IFTAP: variants seen among roughly 807,000 people sequenced by gnomAD.
IFTAP encodes the protein intraflagellar transport-associated protein.
In IFTAP, 19 loss-of-function variants were observed where a neutral mutation model predicts 19.4. That is an observed-to-expected ratio of 0.98 (90% CI 0.68 to 1.44). The LOEUF (loss-of-function observed/expected upper bound fraction) is 1.44. Among genes scored for constraint, IFTAP ranks in the 40% most tolerant of loss-of-function variants. The pLI is 0.00. For missense variants in IFTAP, 240 were observed against 253.6 expected (o/e 0.95, Z 0.36); for synonymous variants, 85 against 83.5 (o/e 1.02, Z -0.10).
chr11:36,605,337 T>C (rs1224478871), intron 1 of IFTAP, among the ~76,000 whole-genome samples: 1 of 137,542 alleles, frequency 7.3e-6, no homozygotes, highest in Non-Finnish European at 1.5e-5. Context: ...AAAAGTACAC[T>C]GTGCACTTTC....
rs559224789 is a variant in IFTAP, at chr11:36,627,631, G to T, written c.137-5653G>T. 3.2e-3 allele frequency among the ~76,000 whole-genome samples: 481 copies of T among 151,430 alleles called. 35 individuals are homozygous for T. The highest frequency in any genetic ancestry group is 0.012 in the African/African-American group (472 of 40,722). On this transcript the variant is annotated intron_variant, in intron 2 of 5. Coordinates refer to ENST00000334307, the MANE Select transcript of IFTAP (RefSeq NM_138787.4). Reference sequence around the variant, plus strand: ...TATTGTCACCAGCAGCTGTTGCTCTGTTAGGAATTCTGGAGCCGTAGGAGG... The same window carrying T: ...TATTGTCACCAGCAGCTGTTGCTCTTTTAGGAATTCTGGAGCCGTAGGAGG...
intron 2 of IFTAP, among the ~76,000 whole-genome samples, chr11:36,624,462 G>C (rs1444783161): frequency 6.6e-6 from 1 of 152,148 alleles, no homozygotes; most frequent in Non-Finnish European, 1.5e-5. Context: ...GCTGGAAATT[G>C]GGAATCATTA....
intron 1 of IFTAP, among the ~76,000 whole-genome samples, chr11:36,599,916 G>GA (rs1396330974): frequency 2.0e-5 from 3 of 152,144 alleles, no homozygotes; most frequent in Non-Finnish European, 4.4e-5. Flanking sequence ...TACAAAATAA[G>GA]AAATGCAAAA....
At chr11:36,640,551 C>T (rs1853156155) in intron 4 of IFTAP, among the ~76,000 whole-genome samples, 1 of 152,100 alleles carries the variant, frequency 6.6e-6, no homozygotes, top group Non-Finnish European at 1.5e-5. Flanking sequence ...CATGAATCAC[C>T]ATTTTTATTG....
In IFTAP at chr11:36,619,053, A is replaced by C. The variant is rs547545354; in HGVS notation, c.136+8814A>C. Among the ~76,000 whole-genome samples the C allele has an allele frequency of 4.7e-4, 72 of 152,116 alleles. 1 individual carries two copies. Among genetic ancestry groups the C allele is most frequent in the African/African-American group, 1.5e-3 (64 of 41,532 alleles). On this transcript the variant is annotated intron_variant, in intron 2 of 5. Coordinates refer to ENST00000334307, the MANE Select transcript of IFTAP (RefSeq NM_138787.4). ...GTCACAGGTATTTTGCCTGGGAGAT[A>C]CTGAGGCCCACAGAGGCCAAGTGAC...
At chr11:36,607,573 A>T (rs780468154) in intron 1 of IFTAP, among the ~76,000 whole-genome samples, 2 of 151,784 alleles carry the variant, frequency 1.3e-5, no homozygotes, top group Non-Finnish European at 2.9e-5. Context: ...CCCCAAATGC[A>T]TTTGGGCATT....
intron 1 of IFTAP, among the ~76,000 whole-genome samples, chr11:36,601,935 A>G (rs539890310): frequency 6.6e-6 from 1 of 152,330 alleles, no homozygotes; most frequent in East Asian, 1.9e-4. Flanking sequence ...TACAGGCACG[A>G]ACTGTGCACC....
At chr11:36,605,204 CAGA>C (rs1457721249) in intron 1 of IFTAP, among the ~76,000 whole-genome samples, 1 of 151,878 alleles carries the variant, frequency 6.6e-6, no homozygotes, top group Non-Finnish European at 1.5e-5. Flanking sequence ...TCTTACTGAG[CAGA>C]AGATTACCAT....
intron 1 of IFTAP, among the ~76,000 whole-genome samples, chr11:36,596,629 G>C (rs1206935295): frequency 1.3e-5 from 2 of 152,184 alleles, no homozygotes; most frequent in Non-Finnish European, 2.9e-5. Context: ...GAGTGATTAT[G>C]ATCAGAGAGT....
chr11:36,656,092 C>T (rs2133549968), intron 5 of IFTAP, among the ~76,000 whole-genome samples: 1 of 152,288 alleles, frequency 6.6e-6, no homozygotes, highest in South Asian at 2.1e-4. Flanking sequence ...AAGGGAGAAT[C>T]TTAAGAAGGC....
chr11:36,643,363 G>A (rs1164442879), intron 4 of IFTAP, among the ~76,000 whole-genome samples: 1 of 152,162 alleles, frequency 6.6e-6, no homozygotes, highest in East Asian at 1.9e-4. Flanking sequence ...ACAAACAAAT[G>A]GACGAACATT....
In IFTAP at chr11:36,648,380, T is replaced by C. The variant is rs187453615; in HGVS notation, c.498+225T>C. 4.7e-4 allele frequency: 234 copies of C among 502,798 alleles called. 1 individual carries two copies. The East Asian group carries it at 5.0e-3, about 11-fold the overall frequency. 31.1% of individuals were successfully genotyped at this position (502,798 alleles called of 1,614,324 possible). ...TGTGGAAACCATTTTTGTTTTACAG[T>C]GTATGCCATGCCACAGATCAGTGCT... On this transcript the variant is annotated intron_variant, in intron 5 of 5. Transcript: ENST00000334307.
chr11:36,624,985 T>C (rs1852455387), intron 2 of IFTAP, among the ~76,000 whole-genome samples: 1 of 152,210 alleles, frequency 6.6e-6, no homozygotes. Context: ...TCAGAGTCTA[T>C]TGTCCTATAG....
At chr11:36,620,525 C>T (rs1852251338) in intron 2 of IFTAP, among the ~76,000 whole-genome samples, 1 of 151,828 alleles carries the variant, frequency 6.6e-6, no homozygotes, top group Admixed American at 6.6e-5. Context: ...GCTGATCAAG[C>T]CATTTTGTTT....
intron 5 of IFTAP, among the ~76,000 whole-genome samples, chr11:36,657,209 C>A (rs188730811): frequency 6.6e-6 from 1 of 152,276 alleles, no homozygotes; most frequent in East Asian, 1.9e-4. Context: ...TGTAGCCAAG[C>A]CTGCAGGCCT....
chr11:36,625,723 A>T (rs1265660655), intron 2 of IFTAP, among the ~76,000 whole-genome samples: 1 of 152,186 alleles, frequency 6.6e-6, no homozygotes, highest in African/African-American at 2.4e-5. Context: ...TGTATTCTAG[A>T]AGGGGGAAAC....
chr11:36,608,291 A>G (rs1178707700), intron 1 of IFTAP, among the ~76,000 whole-genome samples: 2 of 152,234 alleles, frequency 1.3e-5, no homozygotes. Flanking sequence ...TTAGAATTTT[A>G]TATCATACAC....
In IFTAP at chr11:36,594,589, G is replaced by A. The variant is rs548845589; in HGVS notation, c.-27G>A. ...ATGTGTCTGTGAATAAAGACTAGCC[G>A]AAGGTGCGAAGTGACTAGACGGGAG... On this transcript the variant is annotated 5_prime_UTR_variant, in exon 1 of 6. Coordinates refer to ENST00000334307, the MANE Select transcript of IFTAP (RefSeq NM_138787.4). 3.9e-4 allele frequency: 78 copies of A among 197,714 alleles called. 1 individual carries two copies. The highest frequency in any genetic ancestry group is 1.7e-3 in the African/African-American group (74 of 42,756). 12.2% of individuals were successfully genotyped at this position (197,714 alleles called of 1,614,324 possible). A position where few individuals can be genotyped will look rare whatever the true frequency, so the allele number is the denominator to read the frequency against.
chr11:36,640,460 T>G (rs1269493064), intron 4 of IFTAP, among the ~76,000 whole-genome samples: 1 of 152,232 alleles, frequency 6.6e-6, no homozygotes, highest in East Asian at 1.9e-4. Flanking sequence ...AAGGCACTTC[T>G]GTTACATACT....
Sources: gnomAD v4.1 joint callset for allele counts (sites outside exome capture counted in the v4.1 genomes callset) on GRCh38, gnomAD v4.1.1 for gene constraint, MANE v1.5 for transcripts, NCBI Gene and HGNC (gene_info 2026-07-23, HGNC 2026-07-21) for gene names.